SLC15A3: variants seen among roughly 807,000 people sequenced by gnomAD.
SLC15A3 encodes the protein solute carrier family 15 member 3.
SLC15A3 carries 39 observed loss-of-function variants against 49.2 expected under a neutral mutation model. That is an observed-to-expected ratio of 0.79 (90% CI 0.61 to 1.04). The LOEUF is 1.04. Among genes scored for constraint, SLC15A3 ranks in the 50% least tolerant of loss-of-function variants. The pLI is 0.00. For synonymous variants in SLC15A3, 339 were observed against 367.0 expected, an observed-to-expected ratio of 0.92 and a Z score of 0.87; for missense variants, 758 against 794.8, an observed-to-expected ratio of 0.95 and a Z score of 0.56.
At chr11:60,950,203 G>C (rs1448173640) in intron 1 of SLC15A3, among the ~76,000 whole-genome samples, 1 of 152,202 alleles carries the variant, frequency 6.6e-6, no homozygotes, top group Admixed American at 6.5e-5. Flanking sequence ...TGAGCAAGTC[G>C]GCCTGACAGC....
At chr11:60,947,518 C>G (rs770271161) in intron 1 of SLC15A3, among the ~76,000 whole-genome samples, 1 of 152,172 alleles carries the variant, frequency 6.6e-6, no homozygotes, top group Non-Finnish European at 1.5e-5. Flanking sequence ...CCAATAAGAT[C>G]TCAGTTTTAT....
intron 2 of SLC15A3, among the ~76,000 whole-genome samples, chr11:60,945,481 T>C (rs765526528): frequency 6.6e-5 from 10 of 152,190 alleles, no homozygotes; most frequent in Admixed American, 4.6e-4. Context: ...GTGTGGTTTG[T>C]TAGGCAGCGA....
Position 60,951,401 on chromosome 11 carries a change from C to G in SLC15A3, c.151G>C (p.Gly51Arg), listed in dbSNP as rs377584250. 1 of 1,534,418 alleles carries G rather than the reference C, an allele frequency of 6.5e-7. No homozygotes were observed. The highest frequency in any genetic ancestry group is 1.4e-5 in the African/African-American group (1 of 69,774). ...TACAGCACGAGGTTGGCGGTGACGC[C>G]GAAGAAGGCGGCGCGCTCCAGCATC... ...VEMLERAAFF[G>R]VTANLVLYLN... Residue 51 changes from glycine to arginine, a missense_variant, in exon 1 of 8, where the codon GGC (glycine) becomes CGC (arginine). Physicochemically the swap from Gly to Arg is moderately radical, Grantham distance 125. This residue lies in a region of SLC15A3 where 31 missense variants were observed against 58.4 expected (regional missense o/e 0.53). Coordinates refer to ENST00000227880, the MANE Select transcript of SLC15A3 (RefSeq NM_016582.3).
Position 60,951,513 on chromosome 11 carries a change from G to T in SLC15A3, c.39C>A (p.Pro13=). Residue 13 remains proline (P), a synonymous_variant, in exon 1 of 8, where the codon CCC becomes CCA. Transcript: ENST00000227880. ...APRAREQPRV[P]GERQPLLPRG... The stretch of plus-strand genomic sequence containing the variant: ...GAGGCAGCAGCGGCTGGCGCTCCCC[G>T]GGCACGCGGGGCTGCTCCCGGGCGC... The T allele has an allele frequency of 8.2e-7, 1 of 1,214,302 alleles. No individual in the cohort carries two copies. Among genetic ancestry groups the T allele is most frequent in the South Asian group, 4.0e-5 (1 of 24,778 alleles). The allele number at this position is 1,214,302 out of a possible 1,614,324, so 75.2% of individuals were successfully genotyped here.
At chr11:60,948,570 C>T (rs1856839320) in intron 1 of SLC15A3, among the ~76,000 whole-genome samples, 1 of 151,542 alleles carries the variant, frequency 6.6e-6, no homozygotes, top group South Asian at 2.1e-4. Flanking sequence ...CGCTTCCTGC[C>T]TGTTGTGAAG....
intron 6 of SLC15A3, among the ~76,000 whole-genome samples, chr11:60,938,556 T>A (rs1856660172): frequency 6.6e-6 from 1 of 151,996 alleles, no homozygotes; most frequent in African/African-American, 2.4e-5. Context: ...TGGGGTCCTT[T>A]CCCGGCCAAA....
Position 60,951,499 on chromosome 11 carries a change from G to A in SLC15A3, c.53C>T (p.Pro18Leu). Residue 18 changes from proline to leucine, a missense_variant, in exon 1 of 8, where the codon CCG (proline) becomes CTG (leucine). By Grantham distance (98) the Pro-to-Leu change is moderately conservative. Around this residue, in one of 3 missense-constraint regions of SLC15A3, gnomAD observed 28 missense variants for 29.7 expected, o/e 0.94. Transcript: ENST00000227880. The part of the protein sequence containing the change: ...EQPRVPGERQ[P>L]LLPRGARGPR... ...GCCCCGCGCACCGCGAGGCAGCAGCGGCTGGCGCTCCCCGGGCACGCGGGG... is the reference window on the plus strand; with the variant it reads ...GCCCCGCGCACCGCGAGGCAGCAGCAGCTGGCGCTCCCCGGGCACGCGGGG... The A allele has an allele frequency of 1.6e-6, 2 of 1,242,262 alleles. No homozygotes were observed. Among genetic ancestry groups the A allele is most frequent in the Non-Finnish European group, 2.0e-6 (2 of 988,774 alleles). 77.0% of individuals were successfully genotyped at this position (1,242,262 alleles called of 1,614,324 possible). A position where few individuals can be genotyped will look rare whatever the true frequency, so the allele number is the denominator to read the frequency against.
chr11:60,937,232 C>T lies in SLC15A3; in HGVS notation c.1733G>A (p.Arg578Lys), dbSNP rs1373100877. Residue 578 changes from arginine to lysine, a missense_variant, in exon 8 of 8, where the codon AGG (arginine) becomes AAG (lysine). Around this residue, in one of 3 missense-constraint regions of SLC15A3, gnomAD observed 699 missense variants for 706.7 expected, o/e 0.99. Transcript: ENST00000227880. ...QGPASHSRFS[R>K]DRG ...AATAGGGCCTGTTCAGCCCCTGTCC[C>T]TGCTGAAACGGCTGTGGGAGGCTGG... 6.2e-7 allele frequency: 1 copy of T among 1,614,050 alleles called. No homozygotes were observed. The highest frequency in any genetic ancestry group is 8.5e-7 in the Non-Finnish European group (1 of 1,179,972).
chr11:60,937,561 C>T, intron 7 of SLC15A3, 188 bp from the exon 8 acceptor site: 1 of 801,978 alleles, frequency 1.2e-6, no homozygotes, highest in Non-Finnish European at 2.1e-6. Context: ...TACAATTCCT[C>T]TTCAGCTATT....
At chr11:60,942,384 A>G in intron 3 of SLC15A3, 2 of 451,658 alleles carry the variant, frequency 4.4e-6, no homozygotes, top group East Asian at 4.1e-5. Context: ...CCCAGAGCCC[A>G]GGCACAGCTG....
In SLC15A3 at chr11:60,951,478, C is replaced by G. The variant is rs1856921823; in HGVS notation, c.74G>C (p.Arg25Pro). The change falls in exon 1 of 8, where the codon CGG becomes CCG. Residue 25 changes from arginine (R) to proline (P), a missense_variant. By Grantham distance (103) the Arg-to-Pro change is moderately radical. This residue lies in a region of SLC15A3 where 31 missense variants were observed against 58.4 expected (regional missense o/e 0.53). Coordinates refer to ENST00000227880, the MANE Select transcript of SLC15A3 (RefSeq NM_016582.3). ...CGCCCGCCGCCACCGTCGAGGGCCC[C>G]GCGCACCGCGAGGCAGCAGCGGCTG... ...ERQPLLPRGARGPRRWRRAAG... is the reference protein window; with the variant it reads ...ERQPLLPRGAPGPRRWRRAAG... 7.5e-7 allele frequency: 1 copy of G among 1,325,212 alleles called. No homozygotes were observed. The highest frequency in any genetic ancestry group is 9.7e-7 in the Non-Finnish European group (1 of 1,034,486). The allele number at this position is 1,325,212 out of a possible 1,614,324, so 82.1% of individuals were successfully genotyped here.
chr11:60,944,323 C>T (rs749546942), intron 2 of SLC15A3, among the ~76,000 whole-genome samples: 4 of 152,166 alleles, frequency 2.6e-5, no homozygotes, highest in African/African-American at 7.2e-5. Flanking sequence ...GCACCACCTT[C>T]GCCATCATCA....
chr11:60,939,552 G>T lies in SLC15A3; in HGVS notation c.1363C>A (p.Pro455Thr). 8 of 1,614,202 alleles carry T rather than the reference G, an allele frequency of 5.0e-6. No individual in the cohort carries two copies. The highest frequency in any genetic ancestry group is 5.9e-6 in the Non-Finnish European group (7 of 1,180,016). Reference sequence around the variant, plus strand: ...GGGATCTGCCACCAGATGGACAGTGGTGCCGCGTTGTACAGGACCTCCCCA... The same window carrying T: ...GGGATCTGCCACCAGATGGACAGTGTTGCCGCGTTGTACAGGACCTCCCCA... ...QIGEVLYNAAPLSIWWQIPQY... is the reference protein window; with the variant it reads ...QIGEVLYNAATLSIWWQIPQY... The change falls in exon 6 of 8, where the codon CCA becomes ACA. Residue 455 changes from proline to threonine, a missense_variant. By Grantham distance (38) the Pro-to-Thr change is conservative. Around this residue, in one of 3 missense-constraint regions of SLC15A3, gnomAD observed 699 missense variants for 706.7 expected, o/e 0.99. Coordinates refer to ENST00000227880, the MANE Select transcript of SLC15A3 (RefSeq NM_016582.3).
intron 3 of SLC15A3, 124 bp downstream of exon 3, chr11:60,943,565 A>C: frequency 9.3e-7 from 1 of 1,078,592 alleles, no homozygotes; most frequent in Non-Finnish European, 1.2e-6. Flanking sequence ...ACGGGGCAGC[A>C]CCTCACTTTA....
intron 1 of SLC15A3, among the ~76,000 whole-genome samples, chr11:60,950,542 C>T (rs1222974877): frequency 6.6e-6 from 1 of 151,826 alleles, no homozygotes; most frequent in African/African-American, 2.4e-5. Flanking sequence ...AATCCCAGCA[C>T]TTTGGGAGGC....
chr11:60,943,859 G>A, intron 2 of SLC15A3, 23 bp from the exon 3 acceptor site: 1 of 1,505,722 alleles, frequency 6.6e-7, no homozygotes, highest in Non-Finnish European at 8.9e-7. Context: ...AGAGGCAGCA[G>A]ATAAAACAAC....
chr11:60,944,014 C>T (rs1856765227), intron 2 of SLC15A3, among the ~76,000 whole-genome samples, 178 bp from the exon 3 acceptor site: 1 of 152,172 alleles, frequency 6.6e-6, no homozygotes, highest in Admixed American at 6.5e-5. Flanking sequence ...AAAAATTAGC[C>T]AGGCTGTTTT....
chr11:60,946,852 C>A (rs1304685409), intron 1 of SLC15A3, 31 bp from the exon 2 acceptor site: 1 of 1,585,196 alleles, frequency 6.3e-7, no homozygotes, highest in Non-Finnish European at 8.6e-7. Flanking sequence ...ACAGTGAGGG[C>A]CAAAGGGGTC....
chr11:60,939,587 G>C lies in SLC15A3; in HGVS notation c.1328C>G (p.Ser443Cys). ...GTACAGGACCTCCCCAATCTGCTGG[G>C]ACACGGTCTCGTTGTGGTGGATGTA... ...LHYIHHNETV[S>C]QQIGEVLYNA... The change falls in exon 6 of 8, where the codon TCC becomes TGC. Residue 443 changes from serine to cysteine, a missense_variant. Ser to Cys is a moderately radical substitution (Grantham distance 112). Coordinates refer to ENST00000227880, the MANE Select transcript of SLC15A3 (RefSeq NM_016582.3). 6.2e-7 allele frequency: 1 copy of C among 1,614,212 alleles called. No homozygotes were observed. The highest frequency in any genetic ancestry group is 1.1e-5 in the South Asian group (1 of 91,086).
Sources: gnomAD v4.1 joint callset for allele counts (sites outside exome capture counted in the v4.1 genomes callset) on GRCh38, gnomAD v4.1.1 for gene constraint, gnomAD v4.1.1 regional missense constraint, MANE v1.5 for transcripts, NCBI Gene and HGNC (gene_info 2026-07-23, HGNC 2026-07-21) for gene names.